The following AKT1 variants were observed in gnomAD, a reference collection of about 807,000 sequenced individuals.
The protein encoded by AKT1 is RAC-alpha serine/threonine-protein kinase.
Under a neutral mutation model 63.1 loss-of-function variants are expected in AKT1, and 21 were observed. The ratio of observed to expected loss-of-function variants is 0.33; its 90% CI spans 0.24 to 0.48. The LOEUF is 0.48. Among genes scored for constraint, AKT1 ranks in the 20% least tolerant of loss-of-function variants. The pLI is 0.99. For synonymous variants in AKT1, 257 were observed against 253.1 expected (o/e 1.02, Z -0.15); for missense variants, 382 against 666.0 (o/e 0.57, Z 4.69).
Position 104,789,297 on chromosome 14 carries a change from G to A in AKT1, c.46+3301C>T, listed in dbSNP as rs183067521. Reference sequence around the variant, plus strand: ...ACCCACTTGGTCCAGCCATGTGGACGGGGGGACGCTCAGGAAGACAGCCGC... The same window carrying A: ...ACCCACTTGGTCCAGCCATGTGGACAGGGGGACGCTCAGGAAGACAGCCGC... On this transcript the variant is annotated intron_variant, in intron 3 of 14. Transcript: ENST00000649815. Among the ~76,000 whole-genome samples the A allele has an allele frequency of 5.3e-5, 8 of 152,360 alleles. No homozygotes were observed. In the East Asian group the frequency reaches 1.4e-3, roughly 26 times the overall value.
chr14:104,787,650 C>G (rs903202588), intron 3 of AKT1, among the ~76,000 whole-genome samples: 1 of 152,228 alleles, frequency 6.6e-6, no homozygotes, highest in African/African-American at 2.4e-5. Context: ...GGAAGGTGTA[C>G]GGGGGTCTAG....
intron 9 of AKT1, 123 bp from the exon 10 acceptor site, chr14:104,773,703 C>T (rs919368933): frequency 2.8e-6 from 4 of 1,416,486 alleles, no homozygotes; most frequent in East Asian, 5.0e-5. Context: ...CACCAGAGGG[C>T]ACGGGGGCCT....
intron 11 of AKT1, 29 bp from the exon 12 acceptor site, chr14:104,773,121 G>A (rs757112659): frequency 2.6e-5 from 42 of 1,612,794 alleles, no homozygotes; most frequent in Non-Finnish European, 3.3e-5. Context: ...GGCAGGACTC[G>A]GCATCAAGGG....
At chr14:104,771,579 C>T (rs962867084) in intron 13 of AKT1, 4 of 233,040 alleles carry the variant, frequency 1.7e-5, no homozygotes, top group East Asian at 1.2e-4. Context: ...AAGGCAGGAA[C>T]GGGGACCAGG....
At chr14:104,771,102 C>A in intron 13 of AKT1, 1 of 517,166 alleles carries the variant, frequency 1.9e-6, no homozygotes. Context: ...CAGCAGGCGA[C>A]AGGAGGTAGT....
chr14:104,780,023 G>A, intron 4 of AKT1, 65 bp downstream of exon 4: 1 of 1,583,482 alleles, frequency 6.3e-7, no homozygotes, highest in Non-Finnish European at 8.6e-7. Context: ...GTGGGGCCTG[G>A]TGGGCAAAGA....
intron 8 of AKT1, chr14:104,774,225 G>C (rs537760313): frequency 1.8e-6 from 1 of 547,518 alleles, no homozygotes; most frequent in East Asian, 3.1e-5. Flanking sequence ...CCCATGCCAC[G>C]CTGCCCCACA....
chr14:104,791,659 C>T (rs1361927208), intron 3 of AKT1, among the ~76,000 whole-genome samples: 3 of 152,206 alleles, frequency 2.0e-5, no homozygotes, highest in Non-Finnish European at 4.4e-5. Context: ...CTACTTTTGC[C>T]ACACCTCCCT....
chr14:104,777,661 G>T, intron 4 of AKT1: 1 of 986,494 alleles, frequency 1.0e-6, no homozygotes, highest in Non-Finnish European at 1.2e-6. Flanking sequence ...GTGTGTAGCC[G>T]CTGGGGCTCC....
intron 3 of AKT1, among the ~76,000 whole-genome samples, chr14:104,787,024 G>A (rs965384627): frequency 1.3e-5 from 2 of 152,048 alleles, no homozygotes; most frequent in Non-Finnish European, 2.9e-5. Flanking sequence ...CAGGTTACAG[G>A]GTATGGGTGG....
At chr14:104,776,094 G>A (rs1415131907) in intron 5 of AKT1, 10 of 280,902 alleles carry the variant, frequency 3.6e-5, no homozygotes, top group Non-Finnish European at 6.1e-5. Flanking sequence ...CCCCCAAGCA[G>A]GACTCCGCCT....
At chr14:104,776,007 G>GC in intron 5 of AKT1, 2 of 572,942 alleles carry the variant, frequency 3.5e-6, no homozygotes, top group Non-Finnish European at 6.0e-6. Flanking sequence ...CCCAGGCTTA[G>GC]CCCCCCAGCA....
At position 104,770,788 on chromosome 14, in the gene AKT1, C is replaced by A. The variant is rs1159942120; in HGVS notation, c.1320G>T (p.Glu440Asp). 5.6e-6 allele frequency: 9 copies of A among 1,614,152 alleles called. No homozygotes were observed. The highest frequency in any genetic ancestry group is 1.3e-5 in the African/African-American group (1 of 75,062). ...TGGTGATCATCTGGGCCGTGAACTCCTCATCAAAATACCTGGTGTCAGTCT... is the reference window on the plus strand; with the variant it reads ...TGGTGATCATCTGGGCCGTGAACTCATCATCAAAATACCTGGTGTCAGTCT... ...TSETDTRYFD[E>D]EFTAQMITIT... The change falls in exon 14 of 15, where the codon GAG becomes GAT. Residue 440 changes from glutamate to aspartate, a missense_variant. Physicochemically the swap from Glu to Asp is conservative, Grantham distance 45. Around this residue, in one of 3 missense-constraint regions of AKT1, gnomAD observed 90 missense variants for 120.5 expected, o/e 0.75. Transcript: ENST00000649815.
chr14:104,778,914 A>G (rs2498794), intron 4 of AKT1, among the ~76,000 whole-genome samples: 81,718 of 152,098 alleles, frequency 0.54, 22,386 homozygotes, highest in East Asian at 0.65. Flanking sequence ...TGCCTGAGAC[A>G]GATCCCAGAG....
At chr14:104,789,045 C>T (rs568606067) in intron 3 of AKT1, among the ~76,000 whole-genome samples, 5 of 152,366 alleles carry the variant, frequency 3.3e-5, no homozygotes, top group African/African-American at 1.2e-4. Context: ...CAGCTTCCCT[C>T]GACCCCCGCC....
Position 104,776,063 on chromosome 14 carries a change from CCCCCCAGCAGGACTCCG to C in AKT1, c.288-281_288-265del, listed in dbSNP as rs1420719578. 2,530 of 395,996 alleles carry C rather than the reference CCCCCCAGCAGGACTCCG, an allele frequency of 6.4e-3. 59 individuals are homozygous for C. The highest frequency in any genetic ancestry group is 0.05 in the African/African-American group (2,210 of 44,144). The allele number at this position is 395,996 out of a possible 1,614,324, so 24.5% of individuals were successfully genotyped here. A position where few individuals can be genotyped will look rare whatever the true frequency, so the allele number is the denominator to read the frequency against. ...GACTCCAACCCCCAGCAGGACTCCG[CCCCCCAGCAGGACTCCG>C]CCCCCCCCAAGCAGGACTCCGCCTC... On this transcript the variant is annotated intron_variant, in intron 5 of 14. Transcript: ENST00000649815.
At chr14:104,777,514 G>T (rs1173243196) in intron 4 of AKT1, 2 of 986,268 alleles carry the variant, frequency 2.0e-6, no homozygotes, top group African/African-American at 3.8e-5. Flanking sequence ...TGGGGCACAC[G>T]CACACCTGGG....
Position 104,772,905 on chromosome 14 carries a change from C to T in AKT1, c.1145G>A (p.Gly382Glu). 6.2e-7 allele frequency: 1 copy of T among 1,612,650 alleles called. No homozygotes were observed. The highest frequency in any genetic ancestry group is 1.1e-5 in the South Asian group (1 of 91,048). The change falls in exon 12 of 15, where the codon GGG becomes GAG. Residue 382 changes from glycine to glutamate, a missense_variant. This residue lies in a region of AKT1 where 66 missense variants were observed against 179.1 expected (regional missense o/e 0.37). Coordinates refer to ENST00000649815, the MANE Select transcript of AKT1 (RefSeq NM_001382430.1). ...LGPEAKSLLS[G>E]LLKKDPKQRL... is the part of the protein sequence containing the mutation. The stretch of plus-strand genomic sequence containing the variant: ...CTGCTTGGGGTCCTTCTTGAGCAGC[C>T]CTGAAAGCAAGGACTTGGCCTCGGG...
rs1233479899 is a variant in AKT1, at chr14:104,776,048, C to T, written c.288-249G>A. 3.5e-5 allele frequency: 16 copies of T among 454,682 alleles called. 1 individual carries two copies. Among genetic ancestry groups the T allele is most frequent in the South Asian group, 3.5e-4 (12 of 34,154 alleles). 28.2% of individuals were successfully genotyped at this position (454,682 alleles called of 1,614,324 possible). A position where few individuals can be genotyped will look rare whatever the true frequency, so the allele number is the denominator to read the frequency against. On this transcript the variant is annotated intron_variant, in intron 5 of 14. Coordinates refer to ENST00000649815, the MANE Select transcript of AKT1 (RefSeq NM_001382430.1). Reference sequence around the variant, plus strand: ...CTGTCCCCACAACCGGACTCCAACCCCCAGCAGGACTCCGCCCCCCAGCAG... The same window carrying T: ...CTGTCCCCACAACCGGACTCCAACCTCCAGCAGGACTCCGCCCCCCAGCAG...
Sources: allele counts gnomAD v4.1 joint callset (sites outside exome capture counted in the v4.1 genomes callset), GRCh38; gene constraint gnomAD v4.1.1; regional missense constraint gnomAD v4.1.1; transcripts MANE v1.5; gene names NCBI Gene and HGNC (gene_info 2026-07-23, HGNC 2026-07-21).